ESYT2: variants seen among roughly 807,000 people sequenced by gnomAD.
The protein encoded by ESYT2 is extended synaptotagmin 2.
Under a neutral mutation model 107.2 loss-of-function variants are expected in ESYT2, and 54 were observed. That is an observed-to-expected ratio of 0.50 (90% CI 0.40 to 0.63). The LOEUF (loss-of-function observed/expected upper bound fraction) is 0.63, where lower values mean the gene tolerates loss of function less well. Ranked by LOEUF, ESYT2 falls within the 30% of genes least tolerant of loss-of-function variation. The pLI is 0.00. For missense variants in ESYT2, 1,020 were observed against 1,094.5 expected (o/e 0.93, Z 0.96); for synonymous variants, 491 against 434.1 (o/e 1.13, Z -1.63).
At chr7:158,779,967 A>G (rs1321085876) in intron 6 of ESYT2, among the ~76,000 whole-genome samples, 1 of 152,232 alleles carries the variant, frequency 6.6e-6, no homozygotes, top group Non-Finnish European at 1.5e-5. Flanking sequence ...TTCTACCACT[A>G]AGGGCAATAG....
intron 3 of ESYT2, among the ~76,000 whole-genome samples, chr7:158,796,117 T>C (rs1839449779): frequency 6.6e-6 from 1 of 152,236 alleles, no homozygotes; most frequent in South Asian, 2.1e-4. Context: ...TGAACCGCAC[T>C]GCACGGGGAT....
chr7:158,763,259 C>T (rs944185212), intron 9 of ESYT2, 94 bp from the exon 10 acceptor site: 2 of 639,632 alleles, frequency 3.1e-6, no homozygotes, highest in African/African-American at 4.2e-5. Context: ...TGACCAGGTA[C>T]TTTTCTCTGG....
chr7:158,818,833 A>G (rs1321180649), intron 1 of ESYT2, among the ~76,000 whole-genome samples: 2 of 152,244 alleles, frequency 1.3e-5, no homozygotes, highest in African/African-American at 2.4e-5. Context: ...CCAGAGCCAG[A>G]GCCTGAGCTG....
chr7:158,753,423 A>G (rs936178683), intron 13 of ESYT2, among the ~76,000 whole-genome samples: 8 of 152,106 alleles, frequency 5.3e-5, no homozygotes, highest in African/African-American at 1.7e-4. Context: ...TCCTATGATT[A>G]TGGGTTTTAT....
chr7:158,772,729 A>G (rs1838416122), intron 7 of ESYT2, among the ~76,000 whole-genome samples: 1 of 151,982 alleles, frequency 6.6e-6, no homozygotes, highest in Non-Finnish European at 1.5e-5. Flanking sequence ...GTTATGGAAC[A>G]TTTTTCTCCT....
Position 158,829,383 on chromosome 7 carries a change from G to C in ESYT2, c.36C>G (p.Gly12=). The part of the protein sequence containing the change: ...SGARGEGPEA[G]AGGAGGRAAP... ...CCGCGCGGCCCCCAGCCCCGCCGGC[G>C]CCCGCCTCCGGGCCCTCGCCCCGGG... The change falls in exon 1 of 23, where the codon GGC becomes GGG. Residue 12 remains glycine (G), a synonymous_variant. Coordinates refer to ENST00000275418, the MANE Select transcript of ESYT2 (RefSeq NM_001367773.1). The C allele has an allele frequency of 1.6e-6, 2 of 1,246,544 alleles. No homozygotes were observed. Among genetic ancestry groups the C allele is most frequent in the East Asian group, 3.5e-5 (1 of 28,172 alleles). The allele number at this position is 1,246,544 out of a possible 1,614,324, so 77.2% of individuals were successfully genotyped here. A position where few individuals can be genotyped will look rare whatever the true frequency, so the allele number is the denominator to read the frequency against.
chr7:158,736,908 TGTTTGCTAA>T (rs1836975149), intron 20 of ESYT2, 131 bp downstream of exon 20: 1 of 1,025,792 alleles, frequency 9.7e-7, no homozygotes, highest in South Asian at 1.5e-5. Context: ...TTGAGAAGTA[TGTTTGCTAA>T]AAGTTGGTTT....
At chr7:158,762,158 C>T (rs1837992079) in intron 10 of ESYT2, among the ~76,000 whole-genome samples, 1 of 152,102 alleles carries the variant, frequency 6.6e-6, no homozygotes, top group Admixed American at 6.6e-5. Flanking sequence ...CCCCAGACGC[C>T]AGATACAACT....
intron 16 of ESYT2, among the ~76,000 whole-genome samples, chr7:158,745,724 A>AT (rs2129471510): frequency 6.6e-6 from 1 of 152,362 alleles, no homozygotes; most frequent in Non-Finnish European, 1.5e-5. Flanking sequence ...TGGAAACTAA[A>AT]TAACAGACCA....
chr7:158,829,508 C>T lies in ESYT2; in HGVS notation c.-90G>A, dbSNP rs552633288. On this transcript the variant is annotated 5_prime_UTR_variant, in exon 1 of 23. Coordinates refer to ENST00000275418, the MANE Select transcript of ESYT2 (RefSeq NM_001367773.1). The stretch of plus-strand genomic sequence containing the variant: ...GGCTCAGCCCCGCGCCAGCGCCCCT[C>T]TGAGGGGACGCGGCTCCGCCGCACG... 3 of 1,274,918 alleles carry T rather than the reference C, an allele frequency of 2.4e-6. No individual in the cohort carries two copies. The highest frequency in any genetic ancestry group is 3.3e-5 in the East Asian group (1 of 30,332). 79.0% of individuals were successfully genotyped at this position (1,274,918 alleles called of 1,614,324 possible). A position where few individuals can be genotyped will look rare whatever the true frequency, so the allele number is the denominator to read the frequency against.
chr7:158,816,308 C>A (rs1263997551), intron 1 of ESYT2, among the ~76,000 whole-genome samples: 1 of 152,204 alleles, frequency 6.6e-6, no homozygotes, highest in African/African-American at 2.4e-5. Flanking sequence ...TATGATCACA[C>A]AACCACACTC....
rs1190670185 is a variant in ESYT2 at position 158,732,529 on chromosome 7, A to G, written c.*1678T>C. ...AATATGCTGTGAAGCTACAGACTCCATTATAAGTAAACCCATGGTTCAAAG... is the reference window on the plus strand; with the variant it reads ...AATATGCTGTGAAGCTACAGACTCCGTTATAAGTAAACCCATGGTTCAAAG... On this transcript the variant is annotated 3_prime_UTR_variant, in exon 23 of 23. Coordinates refer to ENST00000275418, the MANE Select transcript of ESYT2 (RefSeq NM_001367773.1). 2 of 152,318 alleles carry G rather than the reference A, an allele frequency of 1.3e-5. No homozygotes were observed. The highest frequency in any genetic ancestry group is 4.8e-5 in the African/African-American group (2 of 41,478). 9.4% of individuals were successfully genotyped at this position (152,318 alleles called of 1,614,324 possible).
At position 158,733,219 on chromosome 7, in the gene ESYT2, T is replaced by G. The variant is rs1836805047; in HGVS notation, c.*988A>C. 1 of 152,244 alleles carries G rather than the reference T, an allele frequency of 6.6e-6. No individual in the cohort carries two copies. Among genetic ancestry groups the G allele is most frequent in the South Asian group, 2.1e-4 (1 of 4,832 alleles). 9.4% of individuals were successfully genotyped at this position (152,244 alleles called of 1,614,324 possible). A position where few individuals can be genotyped will look rare whatever the true frequency, so the allele number is the denominator to read the frequency against. On this transcript the variant is annotated 3_prime_UTR_variant, in exon 23 of 23. Transcript: ENST00000275418. ...AATAATGAGATCGAGCTTTCAATTT[T>G]TAATGCAATATCCTGTCTACTCACT...
Position 158,821,438 on chromosome 7 carries a change from T to C in ESYT2, c.330+7651A>G, listed in dbSNP as rs1288289804. Among the ~76,000 whole-genome samples the C allele has an allele frequency of 2.6e-5, 4 of 152,358 alleles. No individual in the cohort carries two copies. In the Middle Eastern group the frequency reaches 0.01, roughly 389 times the overall value. ...AGTTTTCTGGTAGCTACAGCAAGAA[T>C]AGAAGTATACTGCATTACACAGTAG... is the stretch of plus-strand genomic sequence containing the variant. On this transcript the variant is annotated intron_variant, in intron 1 of 22. Transcript: ENST00000275418.
In ESYT2 at chr7:158,734,186, G is replaced by A; in HGVS notation, c.*21C>T. The A allele has an allele frequency of 6.2e-7, 1 of 1,614,026 alleles. No homozygotes were observed. Among genetic ancestry groups the A allele is most frequent in the Non-Finnish European group, 8.5e-7 (1 of 1,179,984 alleles). On this transcript the variant is annotated 3_prime_UTR_variant, in exon 23 of 23. Transcript: ENST00000275418. The stretch of plus-strand genomic sequence containing the variant: ...AGAGGTGGAGAGCTACGCTGAAGAG[G>A]ACGCCTCCTGCCTGCTGCGGCTATG...
chr7:158,743,707 A>G (rs756314931), intron 16 of ESYT2, 29 bp from the exon 17 acceptor site: 169 of 1,596,062 alleles, frequency 1.1e-4, no homozygotes, highest in African/African-American at 9.0e-4. Context: ...AAACACTGGC[A>G]TAACTAGGAT....
At chr7:158,754,159 AT>A (rs1457754131) in intron 13 of ESYT2, among the ~76,000 whole-genome samples, 2 of 152,116 alleles carry the variant, frequency 1.3e-5, no homozygotes, top group Non-Finnish European at 2.9e-5. Context: ...GCTACTCACC[AT>A]CAGGAAGCAG....
intron 7 of ESYT2, among the ~76,000 whole-genome samples, chr7:158,770,072 G>A (rs1310449431): frequency 6.6e-6 from 1 of 151,850 alleles, no homozygotes; most frequent in Non-Finnish European, 1.5e-5. Context: ...TGTATTTTTA[G>A]TAGAGATGGG....
At position 158,799,008 on chromosome 7, in the gene ESYT2, T is replaced by C. The variant is rs1313508986; in HGVS notation, c.372+23A>G. ...ATCCTCCAATTCCACTGATGGATGG[T>C]AGTTGGTATACTCTAATCTTACCTT... On this transcript the variant is annotated intron_variant, in intron 2 of 22. Transcript: ENST00000275418. The C allele has an allele frequency of 3.1e-6, 5 of 1,601,272 alleles. No individual in the cohort carries two copies. In the African/African-American group the frequency reaches 4.0e-5, roughly 13 times the overall value.
Sources: gnomAD v4.1 joint callset for allele counts (sites outside exome capture counted in the v4.1 genomes callset) on GRCh38, gnomAD v4.1.1 for gene constraint, MANE v1.5 for transcripts, NCBI Gene and HGNC (gene_info 2026-07-23, HGNC 2026-07-21) for gene names.